The following OPCML variants were observed in gnomAD, a reference collection of about 807,000 sequenced individuals.
OPCML encodes opioid binding protein/cell adhesion molecule like.
Under a neutral mutation model 37.8 loss-of-function variants are expected in OPCML, and 13 were observed. That is an observed-to-expected ratio of 0.34 (90% CI 0.22 to 0.55). The LOEUF (loss-of-function observed/expected upper bound fraction) is 0.55. OPCML is among the 20% of genes least tolerant of loss of function. The pLI is 0.91. For missense variants in OPCML, 341 were observed against 435.6 expected, an observed-to-expected ratio of 0.78 and a Z score of 1.93; for synonymous variants, 176 against 168.8, an observed-to-expected ratio of 1.04 and a Z score of -0.33.
chr11:132,516,531 A>G (rs926408966), intron 4 of OPCML, among the ~76,000 whole-genome samples: 1 of 152,186 alleles, frequency 6.6e-6, no homozygotes, highest in African/African-American at 2.4e-5. Flanking sequence ...TCTTCTGAAT[A>G]TGTAAGCCCC....
At chr11:132,638,949 T>A (rs1482005664) in intron 3 of OPCML, among the ~76,000 whole-genome samples, 1 of 152,116 alleles carries the variant, frequency 6.6e-6, no homozygotes, top group Admixed American at 6.5e-5. Context: ...AGTGAACTGG[T>A]TTTTTCTGCG....
intron 3 of OPCML, among the ~76,000 whole-genome samples, chr11:132,596,504 A>G (rs761893972): frequency 6.6e-6 from 1 of 152,216 alleles, no homozygotes; most frequent in African/African-American, 2.4e-5. Context: ...AAAATGACAG[A>G]CAGAGAAGTT....
chr11:132,478,308 G>A (rs959594415), intron 4 of OPCML, among the ~76,000 whole-genome samples: 1 of 152,170 alleles, frequency 6.6e-6, no homozygotes, highest in Non-Finnish European at 1.5e-5. Context: ...CTATAAGATA[G>A]GGAATGATTC....
rs186228953 is a variant in OPCML at position 132,836,634 on chromosome 11, C to T, written c.146+106292G>A. Among the ~76,000 whole-genome samples the T allele has an allele frequency of 2.8e-4, 43 of 152,174 alleles. No individual in the cohort carries two copies. The East Asian group carries it at 7.7e-3, about 27-fold the overall frequency. Reference sequence around the variant, plus strand: ...ATGAGTCCTCTTTTCATCTTTTGGTCGCCATTATATTATCTGCTAATATTT... The same window carrying T: ...ATGAGTCCTCTTTTCATCTTTTGGTTGCCATTATATTATCTGCTAATATTT... On this transcript the variant is annotated intron_variant, in intron 2 of 7. Coordinates refer to ENST00000524381, the MANE Select transcript of OPCML (RefSeq NM_001012393.5).
At chr11:132,442,861 C>A (rs1479631988) in intron 4 of OPCML, among the ~76,000 whole-genome samples, 1 of 152,192 alleles carries the variant, frequency 6.6e-6, no homozygotes, top group African/African-American at 2.4e-5. Context: ...GTCGATTAAA[C>A]CTCTTTGCTT....
rs114066484 is a variant in OPCML at position 132,775,843 on chromosome 11, T to A, written c.147-118524A>T. Among the ~76,000 whole-genome samples, 581 of 152,362 alleles carry A rather than the reference T, an allele frequency of 3.8e-3. 5 individuals are homozygous for A. The highest frequency in any genetic ancestry group is 0.013 in the African/African-American group (546 of 41,580). On this transcript the variant is annotated intron_variant, in intron 2 of 7. Transcript: ENST00000524381. ...TGGCAGAAATGCTACCTGCCACCTATGAACCACAGAATGCTGCCCCTTAGA... is the reference window on the plus strand; with the variant it reads ...TGGCAGAAATGCTACCTGCCACCTAAGAACCACAGAATGCTGCCCCTTAGA...
At chr11:133,228,440 T>A (rs918588320) in intron 1 of OPCML, among the ~76,000 whole-genome samples, 3 of 152,228 alleles carry the variant, frequency 2.0e-5, no homozygotes, top group Non-Finnish European at 4.4e-5. Context: ...TCCAGTTCTT[T>A]CCGCTATAGC....
chr11:132,811,249 T>A (rs887374704), intron 2 of OPCML, among the ~76,000 whole-genome samples: 6 of 152,176 alleles, frequency 3.9e-5, no homozygotes, highest in Admixed American at 3.9e-4. Flanking sequence ...ATTCTCTCCA[T>A]TAAAATCCTG....
At chr11:132,932,173 T>A (rs1441243000) in intron 2 of OPCML, among the ~76,000 whole-genome samples, 1 of 152,118 alleles carries the variant, frequency 6.6e-6, no homozygotes, top group Non-Finnish European at 1.5e-5. Flanking sequence ...GGGGAGTTAT[T>A]GTTTAATGGA....
At chr11:133,039,218 C>A (rs1947838975) in intron 1 of OPCML, among the ~76,000 whole-genome samples, 1 of 152,166 alleles carries the variant, frequency 6.6e-6, no homozygotes, top group African/African-American at 2.4e-5. Flanking sequence ...AAGATCTATG[C>A]CCCTGAAAAG....
intron 1 of OPCML, among the ~76,000 whole-genome samples, chr11:133,468,503 G>T (rs1947026567): frequency 6.6e-6 from 1 of 152,192 alleles, no homozygotes; most frequent in Non-Finnish European, 1.5e-5. Context: ...TTTAGCCAAG[G>T]GTAGCATTGG....
At chr11:133,032,367 G>A (rs1258198210) in intron 1 of OPCML, among the ~76,000 whole-genome samples, 2 of 152,154 alleles carry the variant, frequency 1.3e-5, no homozygotes, top group Non-Finnish European at 2.9e-5. Flanking sequence ...ACCTGTATTG[G>A]AACACTGACT....
At chr11:132,836,367 C>T (rs1373028435) in intron 2 of OPCML, among the ~76,000 whole-genome samples, 1 of 152,144 alleles carries the variant, frequency 6.6e-6, no homozygotes, top group Non-Finnish European at 1.5e-5. Flanking sequence ...ACAGCATGAG[C>T]CAGCTCTAGT....
At chr11:133,505,071 C>T (rs1202461309) in intron 1 of OPCML, among the ~76,000 whole-genome samples, 1 of 152,224 alleles carries the variant, frequency 6.6e-6, no homozygotes, top group African/African-American at 2.4e-5. Flanking sequence ...GAGGCGATCG[C>T]AGGCTCTCCG....
At chr11:133,053,781 C>T (rs1375706569) in intron 1 of OPCML, among the ~76,000 whole-genome samples, 1 of 152,178 alleles carries the variant, frequency 6.6e-6, no homozygotes, top group Non-Finnish European at 1.5e-5. Context: ...AGTTCGTGCC[C>T]AGGAAAACCA....
At chr11:132,613,044 A>G (rs1375531070) in intron 3 of OPCML, among the ~76,000 whole-genome samples, 2 of 152,218 alleles carry the variant, frequency 1.3e-5, no homozygotes, top group Non-Finnish European at 2.9e-5. Context: ...ATTTAAAATT[A>G]GATAGGGGCA....
intron 1 of OPCML, among the ~76,000 whole-genome samples, chr11:133,120,886 A>C (rs1949409755): frequency 6.6e-6 from 1 of 152,114 alleles, no homozygotes; most frequent in Non-Finnish European, 1.5e-5. Flanking sequence ...AGTCACCCAC[A>C]ATTCTACTTA....
intron 1 of OPCML, among the ~76,000 whole-genome samples, chr11:133,051,059 A>T (rs1183986065): frequency 1.3e-4 from 2 of 15,844 alleles, no homozygotes; most frequent in African/African-American, 4.1e-4. Context: ...GTGTGTACAT[A>T]CACACACACA....
Position 133,212,073 on chromosome 11 carries a change from G to C in OPCML, c.62-269063C>G, listed in dbSNP as rs1565507296. ...ATCACTCTAAGCAGAGCCTTTAAAG[G>C]GGTGGGGTTACACCTGCATAGTGAG... On this transcript the variant is annotated intron_variant, in intron 1 of 7. Coordinates refer to ENST00000524381, the MANE Select transcript of OPCML (RefSeq NM_001012393.5). The surrounding 1 kb of genome is among the most constrained non-coding windows in gnomAD (Gnocchi z 4.9). 6.6e-6 allele frequency among the ~76,000 whole-genome samples: 1 copy of C among 151,982 alleles called. No individual in the cohort carries two copies. Among genetic ancestry groups the C allele is most frequent in the African/African-American group, 2.4e-5 (1 of 41,282 alleles).
Sources: allele counts gnomAD v4.1 joint callset (sites outside exome capture counted in the v4.1 genomes callset), GRCh38; gene constraint gnomAD v4.1.1; non-coding constraint Gnocchi (gnomAD v3.1); transcripts MANE v1.5; gene names NCBI Gene and HGNC (gene_info 2026-07-23, HGNC 2026-07-21).